LARS2: variants seen among roughly 807,000 people sequenced by gnomAD.
The protein encoded by LARS2 is leucine--tRNA ligase, mitochondrial.
In LARS2, 81 loss-of-function variants were observed where a neutral mutation model predicts 116.6. That is an observed-to-expected ratio of 0.69 (90% CI 0.58 to 0.84). The LOEUF is 0.84. Among genes scored for constraint, LARS2 ranks in the 40% least tolerant of loss-of-function variants. The probability of loss-of-function intolerance (pLI) is 0.00; values close to 1 mark genes in which losing one functional copy is unlikely to be tolerated. For synonymous variants in LARS2, 396 were observed against 407.2 expected (o/e 0.97, Z 0.33); for missense variants, 968 against 1,114.5 (o/e 0.87, Z 1.87).
At chr3:45,452,886 C>T (rs1403108107) in intron 7 of LARS2, among the ~76,000 whole-genome samples, 1 of 152,090 alleles carries the variant, frequency 6.6e-6, no homozygotes, top group Non-Finnish European at 1.5e-5. Context: ...CTTCATGGTT[C>T]GATCTTGCTA....
chr3:45,473,747 T>C (rs1489165151), intron 8 of LARS2, among the ~76,000 whole-genome samples: 1 of 151,486 alleles, frequency 6.6e-6, no homozygotes, highest in Non-Finnish European at 1.5e-5. Flanking sequence ...TGTAGCCAAA[T>C]GTTTATACAA....
chr3:45,503,548 G>C (rs967243121), intron 15 of LARS2, among the ~76,000 whole-genome samples: 1 of 151,972 alleles, frequency 6.6e-6, no homozygotes, highest in African/African-American at 2.4e-5. Flanking sequence ...AGTTGGGTTT[G>C]GTTTGGTTTT....
At chr3:45,518,815 A>G (rs1438810) in intron 18 of LARS2, among the ~76,000 whole-genome samples, 121,953 of 152,108 alleles carry the variant, frequency 0.8, 52,951 homozygotes, top group East Asian at 0.98. Context: ...ACAATGATGC[A>G]TGGCAGGTTT....
intron 4 of LARS2, among the ~76,000 whole-genome samples, chr3:45,406,615 G>A (rs961423956): frequency 6.6e-6 from 1 of 152,170 alleles, no homozygotes; most frequent in African/African-American, 2.4e-5. Flanking sequence ...AGCGGTGATG[G>A]TGTCTGCCCT....
At chr3:45,540,933 G>A (rs1700786119) in intron 20 of LARS2, among the ~76,000 whole-genome samples, 2 of 152,086 alleles carry the variant, frequency 1.3e-5, no homozygotes, top group Admixed American at 6.5e-5. Context: ...TTATAGGCAT[G>A]AGCCACCATG....
chr3:45,473,356 G>C (rs948303202), intron 8 of LARS2, among the ~76,000 whole-genome samples: 1 of 151,084 alleles, frequency 6.6e-6, no homozygotes, highest in Non-Finnish European at 1.5e-5. Context: ...CTTTGGGTGC[G>C]TGTGTGTGTG....
At chr3:45,496,091 C>A (rs1700006516) in intron 13 of LARS2, among the ~76,000 whole-genome samples, 184 bp from the exon 14 acceptor site, 1 of 152,126 alleles carries the variant, frequency 6.6e-6, no homozygotes. Context: ...GATCTTTTGA[C>A]CTCGTGATCC....
At chr3:45,500,326 T>C in intron 14 of LARS2, 116 bp from the exon 15 acceptor site, 1 of 1,050,598 alleles carries the variant, frequency 9.5e-7, no homozygotes, top group Non-Finnish European at 1.4e-6. Context: ...AAAAAAATCA[T>C]TGTTATTCCC....
intron 4 of LARS2, among the ~76,000 whole-genome samples, chr3:45,414,647 G>C (rs854211): frequency 0.74 from 112,187 of 151,528 alleles, 42,874 homozygotes; most frequent in African/African-American, 0.89. Flanking sequence ...AAGGATAGCT[G>C]GCAGCCAGGA....
At chr3:45,444,663 C>CAAAAAAAA (rs1247862635) in intron 6 of LARS2, among the ~76,000 whole-genome samples, 3 of 83,332 alleles carry the variant, frequency 3.6e-5, no homozygotes, top group Non-Finnish European at 6.3e-5. Context: ...GACTCCGTCT[C>CAAAAAAAA]AAAAAAAAAA....
At chr3:45,432,466 G>T (rs1484878059) in intron 6 of LARS2, among the ~76,000 whole-genome samples, 1 of 152,046 alleles carries the variant, frequency 6.6e-6, no homozygotes, top group Non-Finnish European at 1.5e-5. Context: ...ACAATGGTAT[G>T]AAGTTAGAAA....
At chr3:45,510,430 C>T (rs1249802190) in intron 15 of LARS2, among the ~76,000 whole-genome samples, 2 of 151,984 alleles carry the variant, frequency 1.3e-5, no homozygotes, top group Non-Finnish European at 2.9e-5. Flanking sequence ...AAATCATCCT[C>T]CTACTCCTCA....
At chr3:45,526,944 A>C (rs1700539000) in intron 20 of LARS2, among the ~76,000 whole-genome samples, 1 of 152,228 alleles carries the variant, frequency 6.6e-6, no homozygotes, top group African/African-American at 2.4e-5. Flanking sequence ...GAAATCCTGG[A>C]GTTCAATTCA....
At chr3:45,492,834 G>C (rs768300364) in intron 13 of LARS2, among the ~76,000 whole-genome samples, 1 of 152,204 alleles carries the variant, frequency 6.6e-6, no homozygotes, top group Admixed American at 6.5e-5. Context: ...TCCTCACTGA[G>C]GCAGTTTTGA....
At chr3:45,499,901 A>G (rs1217890294) in intron 14 of LARS2, among the ~76,000 whole-genome samples, 6 of 152,116 alleles carry the variant, frequency 3.9e-5, no homozygotes. Flanking sequence ...TTCTGTAACC[A>G]TTTTTATAAT....
intron 4 of LARS2, among the ~76,000 whole-genome samples, chr3:45,415,217 G>C (rs1403395884): frequency 6.6e-6 from 1 of 152,148 alleles, no homozygotes; most frequent in Non-Finnish European, 1.5e-5. Context: ...AAGGGGTTGG[G>C]GGGTAGAGGA....
At chr3:45,462,900 A>AT (rs1243846936) in intron 8 of LARS2, among the ~76,000 whole-genome samples, 1 of 152,078 alleles carries the variant, frequency 6.6e-6, no homozygotes, top group Non-Finnish European at 1.5e-5. Flanking sequence ...GATATATTTG[A>AT]TTTTTCTCCT....
chr3:45,476,240 C>T (rs906266128), intron 9 of LARS2, among the ~76,000 whole-genome samples: 1 of 152,194 alleles, frequency 6.6e-6, no homozygotes, highest in East Asian at 1.9e-4. Flanking sequence ...GGAATGCCTG[C>T]ATGCCTGGTG....
chr3:45,447,482 ATGT>A (rs1699041475), intron 7 of LARS2, among the ~76,000 whole-genome samples: 1 of 152,304 alleles, frequency 6.6e-6, no homozygotes, highest in South Asian at 2.1e-4. Context: ...AAATGGATTA[ATGT>A]TATTATTGTG....
Sources: gnomAD v4.1 joint callset for allele counts (sites outside exome capture counted in the v4.1 genomes callset) on GRCh38, gnomAD v4.1.1 for gene constraint, MANE v1.5 for transcripts, NCBI Gene and HGNC (gene_info 2026-07-23, HGNC 2026-07-21) for gene names.